ISM1: variants seen among roughly 807,000 people sequenced by gnomAD.
ISM1 encodes the protein isthmin-1.
In ISM1, 25 loss-of-function variants were observed where a neutral mutation model predicts 46.3. The observed-to-expected ratio is 0.54, with a 90% CI of 0.39 to 0.75. The LOEUF is 0.75. ISM1 is among the 30% of genes least tolerant of loss of function. The pLI is 0.00. For synonymous variants in ISM1, 255 were observed against 256.7 expected, an observed-to-expected ratio of 0.99 and a Z score of 0.06; for missense variants, 536 against 625.4, an observed-to-expected ratio of 0.86 and a Z score of 1.52.
At chr20:13,283,598 G>C (rs917022666) in intron 3 of ISM1, among the ~76,000 whole-genome samples, 5 of 152,220 alleles carry the variant, frequency 3.3e-5, no homozygotes, top group Non-Finnish European at 2.9e-5. Context: ...GATGCTGTGA[G>C]TCAGCTCAAC....
chr20:13,227,265 G>A (rs888638189), intron 1 of ISM1, among the ~76,000 whole-genome samples: 5 of 151,926 alleles, frequency 3.3e-5, no homozygotes, highest in South Asian at 2.1e-4. Context: ...GTGCAGTGGC[G>A]CTATCTTGGC....
chr20:13,258,194 A>T (rs1326083996), intron 1 of ISM1, among the ~76,000 whole-genome samples: 4 of 152,072 alleles, frequency 2.6e-5, no homozygotes, highest in Non-Finnish European at 4.4e-5. Flanking sequence ...TGGGCACATG[A>T]TCTGCATGTA....
intron 1 of ISM1, among the ~76,000 whole-genome samples, chr20:13,260,319 C>A (rs2039974951): frequency 1.3e-5 from 2 of 152,124 alleles, no homozygotes; most frequent in African/African-American, 4.8e-5. Context: ...CATGAAAGCA[C>A]AAAGGAGAAC....
At chr20:13,259,206 A>G (rs960890596) in intron 1 of ISM1, among the ~76,000 whole-genome samples, 20 of 151,230 alleles carry the variant, frequency 1.3e-4, no homozygotes, top group Non-Finnish European at 1.5e-4. Flanking sequence ...GCTTGAACCC[A>G]GGAGGCGGAG....
rs1241695109 is a variant in ISM1, at chr20:13,289,874, T to A, written c.787+1191T>A. 3.3e-5 allele frequency among the ~76,000 whole-genome samples: 5 copies of A among 152,126 alleles called. No individual in the cohort carries two copies. In the East Asian group the frequency reaches 9.6e-4, roughly 29 times the overall value. ...CTTTCAAGAAACCACACATTCCAAA[T>A]GGCTTTGGCTGAAAAAAATTTCAGA... On this transcript the variant is annotated intron_variant, in intron 4 of 5. Transcript: ENST00000262487.
chr20:13,306,063 C>T, the ISM1 span, among the ~76,000 whole-genome samples: 2 of 144,782 alleles, frequency 1.4e-5, no homozygotes, highest in Admixed American at 6.8e-5. Flanking sequence ...TAGATATTCA[C>T]GATTGCCCTC....
At position 13,270,424 on chromosome 20, in the gene ISM1, T is replaced by G. The variant is rs2040098363; in HGVS notation, c.139-80T>G. The G allele has an allele frequency of 3.4e-6, 5 of 1,472,578 alleles. No individual in the cohort carries two copies. In the Admixed American group the frequency reaches 8.2e-5, roughly 24 times the overall value. 91.2% of individuals were successfully genotyped at this position (1,472,578 alleles called of 1,614,324 possible). A position where few individuals can be genotyped will look rare whatever the true frequency, so the allele number is the denominator to read the frequency against. ...CAGCCACTGGAATTGTCCTTGCTCC[T>G]GAATATAATGGACTGTTAAGGGTGA... is the stretch of plus-strand genomic sequence containing the variant. On this transcript the variant is annotated intron_variant, in intron 1 of 5. Transcript: ENST00000262487.
At chr20:13,306,143 T>C in the ISM1 span, among the ~76,000 whole-genome samples, 1 of 152,246 alleles carries the variant, frequency 6.6e-6, no homozygotes, top group Non-Finnish European at 1.5e-5. Context: ...TCATGGATGA[T>C]TTTCAAAATG....
At chr20:13,301,292 G>T (rs933187656), downstream of ISM1, among the ~76,000 whole-genome samples, 1 of 152,074 alleles carries the variant, frequency 6.6e-6, no homozygotes, top group Non-Finnish European at 1.5e-5. Flanking sequence ...GAGTTCAAGC[G>T]ATTCTCGTGC....
the ISM1 span, among the ~76,000 whole-genome samples, chr20:13,311,818 T>G: frequency 6.6e-6 from 1 of 152,170 alleles, no homozygotes; most frequent in Non-Finnish European, 1.5e-5. Flanking sequence ...GAAATGTTAG[T>G]TAAAGTGTAC....
At position 13,221,695 on chromosome 20, in the gene ISM1, G is replaced by C; in HGVS notation, c.-82G>C. 8.3e-7 allele frequency: 1 copy of C among 1,197,958 alleles called. No individual in the cohort carries two copies. Among genetic ancestry groups the C allele is most frequent in the Non-Finnish European group, 1.1e-6 (1 of 949,874 alleles). The allele number at this position is 1,197,958 out of a possible 1,614,324, so 74.2% of individuals were successfully genotyped here. A position where few individuals can be genotyped will look rare whatever the true frequency, so the allele number is the denominator to read the frequency against. Reference sequence around the variant, plus strand: ...CGGGAGCCGCGCTGCCGGGCTCCCGGGCTCCTACTCCTCCTCCCCCGGCGT... The same window carrying C: ...CGGGAGCCGCGCTGCCGGGCTCCCGCGCTCCTACTCCTCCTCCCCCGGCGT... On this transcript the variant is annotated 5_prime_UTR_variant, in exon 1 of 6. Transcript: ENST00000262487.
At chr20:13,297,473 T>A (rs1441344342) in intron 5 of ISM1, among the ~76,000 whole-genome samples, 5 of 152,224 alleles carry the variant, frequency 3.3e-5, no homozygotes, top group African/African-American at 1.2e-4. Flanking sequence ...TTCACTGGAA[T>A]CTTTTTGTCT....
At chr20:13,243,403 A>T (rs1439972573) in intron 1 of ISM1, among the ~76,000 whole-genome samples, 1 of 152,158 alleles carries the variant, frequency 6.6e-6, no homozygotes, top group Non-Finnish European at 1.5e-5. Context: ...GTATTCCCTG[A>T]TAAGGGTTGC....
At chr20:13,276,680 TGC>T (rs902547817) in intron 2 of ISM1, among the ~76,000 whole-genome samples, 3 of 96,792 alleles carry the variant, frequency 3.1e-5, no homozygotes, top group African/African-American at 1.8e-4. Context: ...TGGAAATCTG[TGC>T]TCACTCCACA....
intron 1 of ISM1, among the ~76,000 whole-genome samples, chr20:13,227,084 A>T (rs2039534223): frequency 6.6e-6 from 1 of 152,122 alleles, no homozygotes; most frequent in African/African-American, 2.4e-5. Flanking sequence ...TGTCTTGAAT[A>T]CTTTTTTGTG....
chr20:13,303,737 G>A (rs765672609), downstream of ISM1, among the ~76,000 whole-genome samples: 1 of 152,166 alleles, frequency 6.6e-6, no homozygotes, highest in South Asian at 2.1e-4. Flanking sequence ...ATATACATAC[G>A]CCAGATACCA....
chr20:13,274,670 G>GC (rs58141362), intron 2 of ISM1, among the ~76,000 whole-genome samples: 274 of 23,426 alleles, frequency 0.012, no homozygotes, highest in Admixed American at 0.017. Context: ...TCCACTCCCC[G>GC]CCCCCCCCGC....
At chr20:13,315,058 G>A in the ISM1 span, among the ~76,000 whole-genome samples, 1 of 152,028 alleles carries the variant, frequency 6.6e-6, no homozygotes, top group Non-Finnish European at 1.5e-5. Context: ...GCTAATAAAG[G>A]AGAGAAAATA....
chr20:13,300,860 G>T (rs992329972), downstream of ISM1, among the ~76,000 whole-genome samples: 10 of 152,350 alleles, frequency 6.6e-5, no homozygotes, highest in Middle Eastern at 3.4e-3. Context: ...TGACACATGT[G>T]TGACTTTTTG....
Sources: allele counts gnomAD v4.1 joint callset (sites outside exome capture counted in the v4.1 genomes callset), GRCh38; gene constraint gnomAD v4.1.1; transcripts MANE v1.5; gene names NCBI Gene and HGNC (gene_info 2026-07-23, HGNC 2026-07-21).